The following LRRC66 variants were observed in gnomAD, a reference collection of about 807,000 sequenced individuals.
LRRC66 encodes leucine-rich repeat-containing protein 66.
A neutral mutation model predicts 24.6 loss-of-function variants in LRRC66; 29 were observed. The observed-to-expected ratio is 1.18, with a 90% CI of 0.88 to 1.61. The LOEUF is 1.61. LRRC66 is among the 40% of genes most tolerant of loss of function. LRRC66 has a pLI of 0.00. For missense variants in LRRC66, 1,124 were observed against 1,058.0 expected, an observed-to-expected ratio of 1.06 and a Z score of -0.87; for synonymous variants, 411 against 397.6, an observed-to-expected ratio of 1.03 and a Z score of -0.40.
At position 51,997,898 on chromosome 4, in the gene LRRC66, G is replaced by C; in HGVS notation, c.706C>G (p.Pro236Ala). Residue 236 changes from proline to alanine, a missense_variant, in exon 4 of 5, where the codon CCA becomes GCA. Transcript: ENST00000682860. ...AATTCTAGAGCTATGATCATCATTG[G>C]TAGGATGGTAATCAGAGCATTGTTG... ...LSNNALITIL[P>A]MMIIALEFPH... 1 of 1,614,086 alleles carries C rather than the reference G, an allele frequency of 6.2e-7. No individual in the cohort carries two copies.
rs947729903 is a variant in LRRC66 at position 51,997,799 on chromosome 4, T to C, written c.805A>G (p.Ile269Val). The change falls in exon 4 of 5, where the codon ATT becomes GTT. Residue 269 changes from isoleucine (I) to valine (V), a missense_variant. By Grantham distance (29) the Ile-to-Val change is conservative. Transcript: ENST00000682860. ...CACTTTTTCCTCCAGGATTCAGAAA[T>C]AAAATTTTGAAAGACTGCCACACTA... is the stretch of plus-strand genomic sequence containing the variant. The part of the protein sequence containing the change: ...DDSVAVFQNF[I>V]SESWRKKWNV... The C allele has an allele frequency of 2.5e-6, 4 of 1,613,902 alleles. No individual in the cohort carries two copies. Among genetic ancestry groups the C allele is most frequent in the Non-Finnish European group, 3.4e-6 (4 of 1,179,992 alleles).
chr4:52,006,646 A>T (rs1470593417), intron 2 of LRRC66, among the ~76,000 whole-genome samples: 1 of 148,734 alleles, frequency 6.7e-6, no homozygotes, highest in Non-Finnish European at 1.5e-5. Context: ...GCACATGTAT[A>T]CATATGTAAC....
chr4:52,020,265 G>A (rs1199448117), intron 1 of LRRC66, among the ~76,000 whole-genome samples, 39 bp downstream of exon 1: 1 of 152,206 alleles, frequency 6.6e-6, no homozygotes, highest in Non-Finnish European at 1.5e-5. Flanking sequence ...TTTCGGGTAA[G>A]GACAAGACCT....
chr4:51,996,228 T>C, intron 4 of LRRC66, 63 bp from the exon 5 acceptor site: 2 of 1,446,118 alleles, frequency 1.4e-6, no homozygotes, highest in Admixed American at 2.4e-5. Flanking sequence ...CAGGGGTTTT[T>C]CTCTTTTTTA....
chr4:52,013,252 G>GT (rs1302901593), intron 2 of LRRC66, among the ~76,000 whole-genome samples: 1 of 152,036 alleles, frequency 6.6e-6, no homozygotes, highest in African/African-American at 2.4e-5. Flanking sequence ...ATATACTTTA[G>GT]TTTTTTATAA....
chr4:51,995,623 CGTGTGGGTGTGGCT>C lies in LRRC66; in HGVS notation c.1385_1398del (p.Gln462ArgfsTer6). On this transcript the variant is annotated frameshift_variant, in exon 5 of 5. Coordinates refer to ENST00000682860, the MANE Select transcript of LRRC66 (RefSeq NM_001024611.3). LOFTEE classifies it low-confidence loss of function (END_TRUNC). ...AGAGTTCTATCAGGAATTACGGTGGCGTGTGGGTGTGGCTGTGTCACCCAGAAAGGGGTCTGGTT... is the reference window on the plus strand; with the variant it reads ...AGAGTTCTATCAGGAATTACGGTGGCGTGTCACCCAGAAAGGGGTCTGGTT... 1 of 1,614,022 alleles carries C rather than the reference CGTGTGGGTGTGGCT, an allele frequency of 6.2e-7. No individual in the cohort carries two copies. Among genetic ancestry groups the C allele is most frequent in the South Asian group, 1.1e-5 (1 of 91,058 alleles).
chr4:51,995,915 CTCT>C lies in LRRC66; in HGVS notation c.1104_1106del (p.Glu369del), dbSNP rs1736301901. On this transcript the variant is annotated inframe_deletion, in exon 5 of 5. Transcript: ENST00000682860. ...CCAGAGCCAGGTCCTGGGGAGCGTC[CTCT>C]TTTTTGCCGGCAGCCTGCACATCGC... is the stretch of plus-strand genomic sequence containing the variant. 6.2e-7 allele frequency: 1 copy of C among 1,613,836 alleles called. No homozygotes were observed. Among genetic ancestry groups the C allele is most frequent in the African/African-American group, 1.3e-5 (1 of 74,914 alleles).
intron 2 of LRRC66, among the ~76,000 whole-genome samples, chr4:52,013,384 T>C (rs951462684): frequency 6.6e-6 from 1 of 152,220 alleles, no homozygotes; most frequent in Admixed American, 6.5e-5. Context: ...CTGCTACATT[T>C]GGTCTATCAA....
At position 51,994,164 on chromosome 4, in the gene LRRC66, C is replaced by A; in HGVS notation, c.*215G>T. 1.9e-6 allele frequency: 1 copy of A among 513,708 alleles called. No individual in the cohort carries two copies. The highest frequency in any genetic ancestry group is 3.6e-5 in the East Asian group (1 of 27,688). 31.8% of individuals were successfully genotyped at this position (513,708 alleles called of 1,614,324 possible). ...TTTCACACTGAAGAGCAGGTTCATC[C>A]CCATAGGATGTTAACAAGTGTGTTT... On this transcript the variant is annotated 3_prime_UTR_variant, in exon 5 of 5. Coordinates refer to ENST00000682860, the MANE Select transcript of LRRC66 (RefSeq NM_001024611.3).
chr4:52,009,045 T>C (rs1357379740), intron 2 of LRRC66, among the ~76,000 whole-genome samples: 2 of 152,080 alleles, frequency 1.3e-5, no homozygotes, highest in African/African-American at 2.4e-5. Context: ...TAATACCAAA[T>C]AAAAATAGAC....
chr4:52,005,837 G>T (rs1034336458), intron 2 of LRRC66, among the ~76,000 whole-genome samples: 3 of 152,178 alleles, frequency 2.0e-5, no homozygotes, highest in Non-Finnish European at 4.4e-5. Flanking sequence ...CTACAGCCAG[G>T]AGGCATCCAA....
chr4:51,995,653 G>A lies in LRRC66; in HGVS notation c.1369C>T (p.Pro457Ser), dbSNP rs747187074. The A allele has an allele frequency of 1.2e-6, 2 of 1,614,108 alleles. No individual in the cohort carries two copies. Among genetic ancestry groups the A allele is most frequent in the Non-Finnish European group, 1.7e-6 (2 of 1,180,024 alleles). ...GGGTGTGGCTGTGTCACCCAGAAAG[G>A]GGTCTGGTTCTCGTAGAGGCTTAGA... ...PHLSLYENQTPFWVTQPHPHA... is the reference protein window; with the variant it reads ...PHLSLYENQTSFWVTQPHPHA... Residue 457 changes from proline to serine, a missense_variant, in exon 5 of 5, where the codon CCT (proline) becomes TCT (serine). Coordinates refer to ENST00000682860, the MANE Select transcript of LRRC66 (RefSeq NM_001024611.3).
At chr4:52,010,820 C>T (rs1218841100) in intron 2 of LRRC66, among the ~76,000 whole-genome samples, 1 of 152,096 alleles carries the variant, frequency 6.6e-6, no homozygotes, top group Non-Finnish European at 1.5e-5. Context: ...TGCATATACA[C>T]CCACTAATGG....
intron 4 of LRRC66, 112 bp downstream of exon 4, chr4:51,997,636 G>T: frequency 1.1e-6 from 1 of 924,574 alleles, no homozygotes; most frequent in Non-Finnish European, 1.7e-6. Context: ...CTAATGCCAA[G>T]GATCAGCACT....
chr4:51,999,002 CCTGAT>C (rs772130027), intron 3 of LRRC66, among the ~76,000 whole-genome samples: 1 of 152,174 alleles, frequency 6.6e-6, no homozygotes, highest in Non-Finnish European at 1.5e-5. Flanking sequence ...AGAGCTGAAA[CCTGAT>C]CTGGCTTCAC....
chr4:51,994,186 G>A lies in LRRC66; in HGVS notation c.*193C>T. 1 of 581,688 alleles carries A rather than the reference G, an allele frequency of 1.7e-6. No individual in the cohort carries two copies. Among genetic ancestry groups the A allele is most frequent in the East Asian group, 2.9e-5 (1 of 34,920 alleles). The allele number at this position is 581,688 out of a possible 1,614,324, so 36.0% of individuals were successfully genotyped here. On this transcript the variant is annotated 3_prime_UTR_variant, in exon 5 of 5. Transcript: ENST00000682860. ...ATCCCCATAGGATGTTAACAAGTGT[G>A]TTTAGCTTATAACCCTTCTAGAATC...
rs1736271087 is a variant in LRRC66, at chr4:51,995,300, A to G, written c.1722T>C (p.Asn574=). ...CTCCGGAGAGGGAAGGGTCTAATTC[A>G]TTGGAATCATAACGGCTTGAGCCAG... ...AVSGSSRYDS[N]ELDPSLSGEI... Residue 574 remains asparagine (N), a synonymous_variant, in exon 5 of 5, where the codon AAT becomes AAC. Coordinates refer to ENST00000682860, the MANE Select transcript of LRRC66 (RefSeq NM_001024611.3). The G allele has an allele frequency of 3.1e-6, 5 of 1,614,192 alleles. No homozygotes were observed. Among genetic ancestry groups the G allele is most frequent in the Non-Finnish European group, 4.2e-6 (5 of 1,180,038 alleles).
At chr4:52,005,969 G>A (rs1736573637) in intron 2 of LRRC66, among the ~76,000 whole-genome samples, 1 of 152,206 alleles carries the variant, frequency 6.6e-6, no homozygotes, top group South Asian at 2.1e-4. Flanking sequence ...CAGAAAAAAT[G>A]CAAAATAAGA....
At chr4:52,007,421 A>G (rs571386315) in intron 2 of LRRC66, among the ~76,000 whole-genome samples, 1 of 152,218 alleles carries the variant, frequency 6.6e-6, no homozygotes, top group African/African-American at 2.4e-5. Flanking sequence ...TCTGGCCTCA[A>G]GCAATCCTCC....
Sources: allele counts gnomAD v4.1 joint callset (sites outside exome capture counted in the v4.1 genomes callset), GRCh38; gene constraint gnomAD v4.1.1; transcripts MANE v1.5; gene names NCBI Gene and HGNC (gene_info 2026-07-23, HGNC 2026-07-21).